ZDHHC14: variants seen among roughly 807,000 people sequenced by gnomAD.
The protein encoded by ZDHHC14 is zDHHC palmitoyltransferase 14, also known as palmitoyltransferase ZDHHC14.
ZDHHC14 carries 16 observed loss-of-function variants against 47.7 expected under a neutral mutation model. The ratio of observed to expected loss-of-function variants is 0.34; its 90% CI spans 0.23 to 0.51. The LOEUF (loss-of-function observed/expected upper bound fraction) is 0.51, where lower values mean the gene tolerates loss of function less well. Ranked by LOEUF, ZDHHC14 falls within the 20% of genes least tolerant of loss-of-function variation. The pLI, the probability that ZDHHC14 is intolerant of heterozygous loss-of-function variation, is 0.97. For missense variants in ZDHHC14, 515 were observed against 662.5 expected (o/e 0.78, Z 2.44); for synonymous variants, 293 against 278.9 (o/e 1.05, Z -0.50).
chr6:157,484,783 A>T (rs566974609), intron 1 of ZDHHC14, among the ~76,000 whole-genome samples: 22 of 152,250 alleles, frequency 1.4e-4, no homozygotes, highest in African/African-American at 4.6e-4. Context: ...GTGCAAACAC[A>T]ATTGAAGAAA....
intron 1 of ZDHHC14, among the ~76,000 whole-genome samples, chr6:157,496,368 G>T (rs570776631): frequency 1.5e-4 from 23 of 151,070 alleles, no homozygotes; most frequent in African/African-American, 5.6e-4. Flanking sequence ...TGGGGAGGAA[G>T]TTAACCCCCC....
intron 1 of ZDHHC14, among the ~76,000 whole-genome samples, chr6:157,431,606 C>T (rs1281030610): frequency 3.9e-5 from 6 of 152,198 alleles, no homozygotes; most frequent in Non-Finnish European, 8.8e-5. Context: ...AATCTCTTCA[C>T]TGCTGAGGCT....
chr6:157,627,947 C>T lies in ZDHHC14; in HGVS notation c.566-402C>T, dbSNP rs1282797611. ...TACTATGCAATGCAGGTCACTTGAT[C>T]GACATCCAGCCCCAGCCCAGAACTT... On this transcript the variant is annotated intron_variant, in intron 3 of 8. Transcript: ENST00000359775. Among the ~76,000 whole-genome samples, 6 of 152,278 alleles carry T rather than the reference C, an allele frequency of 3.9e-5. No homozygotes were observed. In the East Asian group the frequency reaches 7.7e-4, roughly 20 times the overall value.
chr6:157,416,976 T>G (rs988881482), intron 1 of ZDHHC14, among the ~76,000 whole-genome samples: 4 of 102,794 alleles, frequency 3.9e-5, no homozygotes, highest in East Asian at 2.2e-4. Context: ...TGGCTAGTTT[T>G]TTTTTTTTTT....
chr6:157,471,288 C>T (rs1779349389), intron 1 of ZDHHC14, among the ~76,000 whole-genome samples: 1 of 152,246 alleles, frequency 6.6e-6, no homozygotes, highest in African/African-American at 2.4e-5. Flanking sequence ...AAAGATGTGT[C>T]TGTCAAGTGA....
At chr6:157,393,429 C>T (rs1202931354) in intron 1 of ZDHHC14, among the ~76,000 whole-genome samples, 1 of 152,186 alleles carries the variant, frequency 6.6e-6, no homozygotes, top group Non-Finnish European at 1.5e-5. Flanking sequence ...GGAATTTGAG[C>T]TCAATAAGTC....
chr6:157,439,442 A>G (rs1177752334), intron 1 of ZDHHC14, among the ~76,000 whole-genome samples: 1 of 152,214 alleles, frequency 6.6e-6, no homozygotes, highest in Non-Finnish European at 1.5e-5. Context: ...AGAAATGCAA[A>G]TCAAAGCCAC....
chr6:157,489,746 C>T (rs1779868568), intron 1 of ZDHHC14, among the ~76,000 whole-genome samples: 1 of 152,150 alleles, frequency 6.6e-6, no homozygotes, highest in Admixed American at 6.5e-5. Context: ...GGGTTTTCCT[C>T]CCAGGATGCG....
chr6:157,622,353 T>C (rs1785230642), intron 3 of ZDHHC14, among the ~76,000 whole-genome samples: 1 of 152,154 alleles, frequency 6.6e-6, no homozygotes, highest in South Asian at 2.1e-4. Flanking sequence ...ATCATACCAT[T>C]GCACTCCAGC....
In ZDHHC14 at chr6:157,457,904, C is replaced by T. The variant is rs563673577; in HGVS notation, c.245+75638C>T. Among the ~76,000 whole-genome samples, 8 of 152,356 alleles carry T rather than the reference C, an allele frequency of 5.3e-5. 1 individual carries two copies. The highest frequency in any genetic ancestry group is 2.1e-4 in the South Asian group (1 of 4,826). Reference sequence around the variant, plus strand: ...TTACAGCTGGGGGGCTGGGTTGTGTCTGCCCCAGGGCCAAGGAGGAGCAAA... The same window carrying T: ...TTACAGCTGGGGGGCTGGGTTGTGTTTGCCCCAGGGCCAAGGAGGAGCAAA... On this transcript the variant is annotated intron_variant, in intron 1 of 8. Coordinates refer to ENST00000359775, the MANE Select transcript of ZDHHC14 (RefSeq NM_024630.3).
chr6:157,656,082 A>G (rs1778077487), intron 8 of ZDHHC14, among the ~76,000 whole-genome samples: 1 of 152,220 alleles, frequency 6.6e-6, no homozygotes, highest in African/African-American at 2.4e-5. Context: ...GTTTTACTCC[A>G]TATGTGAAAT....
chr6:157,404,012 C>T (rs1777695934), intron 1 of ZDHHC14, among the ~76,000 whole-genome samples: 1 of 152,236 alleles, frequency 6.6e-6, no homozygotes, highest in South Asian at 2.1e-4. Context: ...CTTACTTAAC[C>T]CACACACTTC....
At position 157,519,326 on chromosome 6, in the gene ZDHHC14, G is replaced by A. The variant is rs548568182; in HGVS notation, c.246-23259G>A. On this transcript the variant is annotated intron_variant, in intron 1 of 8. Coordinates refer to ENST00000359775, the MANE Select transcript of ZDHHC14 (RefSeq NM_024630.3). ...TTTTATTTTTTGCTATGAAGCAGTT[G>A]CCAGGAATAATGTCTGTTTTTAACA... Among the ~76,000 whole-genome samples, 3 of 151,834 alleles carry A rather than the reference G, an allele frequency of 2.0e-5. No individual in the cohort carries two copies. In the East Asian group the frequency reaches 5.8e-4, roughly 29 times the overall value.
At chr6:157,655,605 C>A (rs1404299096) in intron 8 of ZDHHC14, among the ~76,000 whole-genome samples, 2 of 152,222 alleles carry the variant, frequency 1.3e-5, no homozygotes, top group African/African-American at 4.8e-5. Flanking sequence ...ACAATAACCT[C>A]TCATTCAATC....
rs1439783080 is a variant in ZDHHC14 at position 157,677,964 on chromosome 6, C to G, written c.*4842C>G. The G allele has an allele frequency of 6.7e-6, 1 of 149,254 alleles. No individual in the cohort carries two copies. The highest frequency in any genetic ancestry group is 1.5e-5 in the Non-Finnish European group (1 of 67,712). The allele number at this position is 149,254 out of a possible 1,614,324, so 9.2% of individuals were successfully genotyped here. On this transcript the variant is annotated 3_prime_UTR_variant, in exon 9 of 9. Coordinates refer to ENST00000359775, the MANE Select transcript of ZDHHC14 (RefSeq NM_024630.3). ...GAAAAAAAAAAAAGCATTTTAAACT[C>G]TTAGTGAATTCAAAGCTCTAAATCC... is the stretch of plus-strand genomic sequence containing the variant.
intron 1 of ZDHHC14, among the ~76,000 whole-genome samples, chr6:157,495,021 C>G (rs17165373): frequency 0.2 from 29,960 of 151,974 alleles, 3,547 homozygotes; most frequent in African/African-American, 0.32. Flanking sequence ...CTGTGTTATG[C>G]CACTACATGG....
chr6:157,542,891 T>C, intron 2 of ZDHHC14, 146 bp downstream of exon 2: 1 of 1,034,068 alleles, frequency 9.7e-7, no homozygotes, highest in Non-Finnish European at 1.4e-6. Flanking sequence ...GCTCGCTGGG[T>C]GGGCAGGATG....
At chr6:157,573,154 C>CCTTT in intron 2 of ZDHHC14, among the ~76,000 whole-genome samples, 1 of 152,174 alleles carries the variant, frequency 6.6e-6, no homozygotes, top group African/African-American at 2.4e-5. Flanking sequence ...TCGCCATCCC[C>CCTTT]CTTTCTTTCG....
intron 5 of ZDHHC14, among the ~76,000 whole-genome samples, chr6:157,644,299 G>A (rs1777409669): frequency 1.3e-5 from 2 of 152,200 alleles, no homozygotes; most frequent in South Asian, 4.1e-4. Context: ...AGGCAGTTGA[G>A]AATGAGACCA....
Sources: gnomAD v4.1 joint callset for allele counts (sites outside exome capture counted in the v4.1 genomes callset) on GRCh38, gnomAD v4.1.1 for gene constraint, MANE v1.5 for transcripts, NCBI Gene and HGNC (gene_info 2026-07-23, HGNC 2026-07-21) for gene names.